Variants in SYNE2 observed in about 807,000 individuals in gnomAD.
The protein encoded by SYNE2 is spectrin repeat containing nuclear envelope protein 2.
A neutral mutation model predicts 856.3 loss-of-function variants in SYNE2; 431 were observed. The observed-to-expected ratio is 0.50, with a 90% confidence interval of 0.47 to 0.55. The LOEUF (loss-of-function observed/expected upper bound fraction) is 0.55, where lower values mean the gene tolerates loss of function less well. Ranked by LOEUF, SYNE2 falls within the 20% of genes least tolerant of loss-of-function variation. The pLI is 0.00. For missense variants in SYNE2, 8,129 were observed against 8,023.2 expected (o/e 1.01, Z -0.50); for synonymous variants, 2,923 against 2,872.3 (o/e 1.02, Z -0.56).
chr14:64,205,781 T>C (rs1425363891), intron 100 of SYNE2, among the ~76,000 whole-genome samples: 1 of 152,214 alleles, frequency 6.6e-6, no homozygotes, highest in African/African-American at 2.4e-5. Flanking sequence ...ACCACTTTCA[T>C]TGAATCTTTA....
chr14:64,021,820 T>A (rs1487401368), intron 36 of SYNE2, 37 bp from the exon 37 acceptor site: 10 of 1,610,178 alleles, frequency 6.2e-6, no homozygotes, highest in Non-Finnish European at 8.5e-6. Context: ...TGAGCCTGTT[T>A]TAAGATTTAA....
intron 99 of SYNE2, chr14:64,190,634 T>C: frequency 2.8e-6 from 2 of 702,034 alleles, no homozygotes; most frequent in Non-Finnish European, 5.2e-6. Context: ...CAGGCCTGGC[T>C]TCTGGATGCT....
At chr14:64,021,708 A>G (rs2096937183) in intron 36 of SYNE2, 149 bp from the exon 37 acceptor site, 2 of 1,006,578 alleles carry the variant, frequency 2.0e-6, no homozygotes, top group Non-Finnish European at 3.0e-6. Flanking sequence ...ATTAACTTGC[A>G]TTGTATCATA....
intron 87 of SYNE2, among the ~76,000 whole-genome samples, chr14:64,160,267 G>A (rs1422037052): frequency 6.6e-6 from 1 of 152,224 alleles, no homozygotes; most frequent in Non-Finnish European, 1.5e-5. Context: ...AGGGCAGTCT[G>A]TTGGTAAAGG....
At position 64,021,386 on chromosome 14, in the gene SYNE2, T is replaced by C. The variant is rs772748836; in HGVS notation, c.5223T>C (p.His1741=). 1 of 1,614,032 alleles carries C rather than the reference T, an allele frequency of 6.2e-7. No homozygotes were observed. The highest frequency in any genetic ancestry group is 1.1e-5 in the South Asian group (1 of 91,076). The part of the protein sequence containing the change: ...QKCLTGESNC[H]ALSGSTAELR... Reference sequence around the variant, plus strand: ...GCTTAACAGGAGAATCCAACTGCCATGCACTCAGTGGCAGCACTGCTGAGC... The same window carrying C: ...GCTTAACAGGAGAATCCAACTGCCACGCACTCAGTGGCAGCACTGCTGAGC... The change falls in exon 36 of 116, where the codon CAT becomes CAC. Residue 1741 remains histidine, a synonymous_variant. Transcript: ENST00000555002.
intron 46 of SYNE2, 171 bp downstream of exon 46, chr14:64,048,326 C>A (rs1467119714): frequency 1.3e-5 from 7 of 545,596 alleles, no homozygotes; most frequent in Non-Finnish European, 1.9e-5. Context: ...TTGTATAAAT[C>A]TTTCCATTTA....
chr14:64,000,659 TTAAGG>T lies in SYNE2; in HGVS notation c.3579_3583del (p.Glu1195ArgfsTer15). 6.2e-7 allele frequency: 1 copy of T among 1,613,464 alleles called. No homozygotes were observed. Among genetic ancestry groups the T allele is most frequent in the Non-Finnish European group, 8.5e-7 (1 of 1,179,746 alleles). ...AATGACATAAAAAAGCCTTTTGTAA[TTAAGG>T]AAAGAGACACACTAAAGGAAAGAGA... On this transcript the variant is annotated frameshift_variant, in exon 28 of 116. Transcript: ENST00000555002. LOFTEE classifies it high-confidence loss of function.
chr14:64,224,444 T>TG lies in SYNE2; in HGVS notation c.20383-13dup. The TG allele has an allele frequency of 2.5e-6, 4 of 1,613,182 alleles. No individual in the cohort carries two copies. Among genetic ancestry groups the TG allele is most frequent in the Non-Finnish European group, 3.4e-6 (4 of 1,179,370 alleles). ...GAAACACATTTCTGTGCTCAACCTT[T>TG]GGGGTCTGAATTTCAGAACCCAGCC... On this transcript the variant is annotated splice_polypyrimidine_tract_variant and intron_variant, in intron 113 of 115. Transcript: ENST00000555002.
At position 64,126,650 on chromosome 14, in the gene SYNE2, G is replaced by A. The variant is rs769039838; in HGVS notation, c.13760G>A (p.Gly4587Asp). The stretch of plus-strand genomic sequence containing the variant: ...TATTTAGCGCTAAGTGACAAGAAGG[G>A]TGATCTTTTGAAAGCCATGACTTGG... ...KLYLALSDKKGDLLKAMTWPG... is the reference protein window; with the variant it reads ...KLYLALSDKKDDLLKAMTWPG... Residue 4587 changes from glycine to aspartate, a missense_variant, in exon 73 of 116, where the codon GGT becomes GAT. Transcript: ENST00000555002. The A allele has an allele frequency of 9.3e-6, 15 of 1,614,070 alleles. No individual in the cohort carries two copies. Among genetic ancestry groups the A allele is most frequent in the Non-Finnish European group, 1.3e-5 (15 of 1,180,036 alleles).
At chr14:64,090,480 A>G (rs2097601514) in intron 59 of SYNE2, among the ~76,000 whole-genome samples, 1 of 152,184 alleles carries the variant, frequency 6.6e-6, no homozygotes, top group African/African-American at 2.4e-5. Flanking sequence ...AGCACTTTTG[A>G]GGGCCTACTA....
In SYNE2 at chr14:64,218,516, C is replaced by G. The variant is rs938513779; in HGVS notation, c.19657+4C>G. ...GGTATCACAGAGCAGCAGTCAGGTA[C>G]TGCCTGTAACTGGCAGTCGTCCAGA... is the stretch of plus-strand genomic sequence containing the variant. On this transcript the variant is annotated splice_donor_region_variant and intron_variant, in intron 109 of 115. Transcript: ENST00000555002. The G allele has an allele frequency of 5.0e-6, 8 of 1,613,388 alleles. No homozygotes were observed. Among genetic ancestry groups the G allele is most frequent in the Non-Finnish European group, 6.8e-6 (8 of 1,179,700 alleles).
intron 45 of SYNE2, among the ~76,000 whole-genome samples, chr14:64,037,935 G>A (rs1434316612): frequency 3.9e-4 from 59 of 151,734 alleles, no homozygotes; most frequent in Admixed American, 3.9e-3. Flanking sequence ...TGGCCGGGCG[G>A]GGGGCTGACC....
intron 1 of SYNE2, among the ~76,000 whole-genome samples, chr14:63,900,209 C>T (rs542917713): frequency 6.6e-6 from 1 of 152,284 alleles, no homozygotes; most frequent in African/African-American, 2.4e-5. Context: ...ATTGCAAGCC[C>T]AGTGGCATCA....
intron 1 of SYNE2, among the ~76,000 whole-genome samples, chr14:63,883,794 T>C (rs1049475744): frequency 3.9e-5 from 6 of 152,238 alleles, no homozygotes; most frequent in Non-Finnish European, 8.8e-5. Context: ...AGACACAAGC[T>C]TGAAGTTTTC....
intron 10 of SYNE2, among the ~76,000 whole-genome samples, chr14:63,964,784 A>G (rs1302165068): frequency 2.6e-5 from 4 of 152,054 alleles, no homozygotes; most frequent in African/African-American, 4.8e-5. Flanking sequence ...TCGGCCTCCC[A>G]AAGTGCTGGG....
At position 64,080,602 on chromosome 14, in the gene SYNE2, A is replaced by G; in HGVS notation, c.11310A>G (p.Ser3770=). 6.2e-7 allele frequency: 1 copy of G among 1,614,228 alleles called. No individual in the cohort carries two copies. Among genetic ancestry groups the G allele is most frequent in the Non-Finnish European group, 8.5e-7 (1 of 1,180,042 alleles). The change falls in exon 56 of 116, where the codon TCA becomes TCG. Residue 3770 remains serine, a synonymous_variant. Transcript: ENST00000555002. ...MIPFQQYQQV[S]QRAECRTSQL... Reference sequence around the variant, plus strand: ...CTTTCCAGCAGTATCAGCAAGTATCACAGAGAGCAGAGTGTAGAACCTCAC... The same window carrying G: ...CTTTCCAGCAGTATCAGCAAGTATCGCAGAGAGCAGAGTGTAGAACCTCAC...
At chr14:64,157,181 C>CACT (rs2153709979) in intron 85 of SYNE2, among the ~76,000 whole-genome samples, 1 of 152,274 alleles carries the variant, frequency 6.6e-6, no homozygotes, top group East Asian at 1.9e-4. Context: ...CAGCCATCAC[C>CACT]ACTATCTCAT....
intron 1 of SYNE2, among the ~76,000 whole-genome samples, chr14:63,770,877 A>G (rs541211036): frequency 6.6e-6 from 1 of 151,424 alleles, no homozygotes; most frequent in Non-Finnish European, 1.5e-5. Flanking sequence ...AAGTCAATTT[A>G]AAAAAAAATT....
Position 64,140,151 on chromosome 14 carries a change from A to T in SYNE2, c.14976+78A>T, listed in dbSNP as rs77408788. 148,672 of 1,426,788 alleles carry T rather than the reference A, an allele frequency of 0.1. 8,966 individuals carry two copies. Among genetic ancestry groups the T allele is most frequent in the East Asian group, 0.25 (10,868 of 43,832 alleles). 88.4% of individuals were successfully genotyped at this position (1,426,788 alleles called of 1,614,324 possible). A position where few individuals can be genotyped will look rare whatever the true frequency, so the allele number is the denominator to read the frequency against. ...AGGAAAAAGCATCAGGGTTGATGTG[A>T]TAGTCTTCGTATTTATTTGTGGATA... On this transcript the variant is annotated intron_variant, in intron 80 of 115. Coordinates refer to ENST00000555002, the MANE Select transcript of SYNE2 (RefSeq NM_182914.3).
Sources: gnomAD v4.1 joint callset for allele counts (sites outside exome capture counted in the v4.1 genomes callset) on GRCh38, gnomAD v4.1.1 for gene constraint, MANE v1.5 for transcripts, NCBI Gene and HGNC (gene_info 2026-07-23, HGNC 2026-07-21) for gene names.